Variants in CLYBL observed in about 807,000 individuals in gnomAD.
CLYBL encodes the protein citramalyl-CoA lyase, mitochondrial.
A neutral mutation model predicts 38.9 loss-of-function variants in CLYBL; 31 were observed. That is an observed-to-expected ratio of 0.80 (90% confidence interval 0.60 to 1.08). CLYBL has a LOEUF of 1.08. Among genes scored for constraint, CLYBL ranks in the 50% least tolerant of loss-of-function variants. CLYBL has a pLI of 0.00. For synonymous variants in CLYBL, 171 were observed against 158.6 expected, an observed-to-expected ratio of 1.08 and a Z score of -0.59; for missense variants, 434 against 411.6, an observed-to-expected ratio of 1.05 and a Z score of -0.47.
chr13:99,611,269 A>G lies in CLYBL; in HGVS notation c.62+4512A>G, dbSNP rs143536656. Among the ~76,000 whole-genome samples the G allele has an allele frequency of 7.1e-3, 1,076 of 152,304 alleles. 9 individuals are homozygous for G. The highest frequency in any genetic ancestry group is 0.044 in the Middle Eastern group (13 of 294). The stretch of plus-strand genomic sequence containing the variant: ...AAGTTTATTCTGACAATTTTTGCCA[A>G]TATTCTTGTTGATTTTATGGAGGAT... On this transcript the variant is annotated intron_variant, in intron 1 of 8. Transcript: ENST00000339105.
At chr13:99,857,720 T>G (rs1470418022) in intron 2 of CLYBL, among the ~76,000 whole-genome samples, 1 of 152,246 alleles carries the variant, frequency 6.6e-6, no homozygotes, top group Non-Finnish European at 1.5e-5. Flanking sequence ...GGACTTAGAC[T>G]CAATATTTGG....
chr13:99,713,909 A>C (rs528614485), intron 1 of CLYBL, among the ~76,000 whole-genome samples: 1 of 152,072 alleles, frequency 6.6e-6, no homozygotes, highest in African/African-American at 2.4e-5. Flanking sequence ...GTTGGTCTCA[A>C]ACTCCTGGGC....
intron 2 of CLYBL, among the ~76,000 whole-genome samples, chr13:99,835,359 G>T (rs545662918): frequency 6.6e-6 from 1 of 152,186 alleles, no homozygotes; most frequent in Non-Finnish European, 1.5e-5. Context: ...CCCACGTTGC[G>T]TCTGCCCTGT....
chr13:99,707,149 C>T (rs1437722981), intron 1 of CLYBL, among the ~76,000 whole-genome samples: 2 of 152,266 alleles, frequency 1.3e-5, no homozygotes, highest in South Asian at 2.1e-4. Flanking sequence ...CAATGAGTAA[C>T]GTGAAGGCTG....
downstream of CLYBL, among the ~76,000 whole-genome samples, chr13:99,899,892 G>T (rs762433729): frequency 6.6e-6 from 1 of 152,088 alleles, no homozygotes; most frequent in Admixed American, 6.5e-5. Flanking sequence ...GCATTTCTAC[G>T]CAGCGAACCC....
chr13:99,750,763 T>C (rs1381564425), intron 1 of CLYBL, among the ~76,000 whole-genome samples: 1 of 151,542 alleles, frequency 6.6e-6, no homozygotes, highest in Non-Finnish European at 1.5e-5. Context: ...TTTAAGAACA[T>C]ATAAGAACTT....
chr13:99,744,564 C>T (rs998852730), intron 1 of CLYBL, among the ~76,000 whole-genome samples: 6 of 152,142 alleles, frequency 3.9e-5, no homozygotes, highest in East Asian at 1.9e-4. Context: ...GACCTAAAAT[C>T]GCTAAGCCCT....
At chr13:99,638,233 C>CA (rs554122455) in intron 1 of CLYBL, among the ~76,000 whole-genome samples, 175 of 152,310 alleles carry the variant, frequency 1.1e-3, no homozygotes, top group Non-Finnish European at 1.7e-3. Context: ...GCTGGGATTA[C>CA]AGGAATGAGC....
chr13:99,790,359 T>C (rs1021353727), intron 2 of CLYBL, among the ~76,000 whole-genome samples: 2 of 152,230 alleles, frequency 1.3e-5, no homozygotes, highest in Non-Finnish European at 2.9e-5. Flanking sequence ...CCATGTTTAG[T>C]GCTTCCTTCA....
intron 2 of CLYBL, among the ~76,000 whole-genome samples, chr13:99,854,130 T>C (rs1247879545): frequency 6.6e-6 from 1 of 152,186 alleles, no homozygotes; most frequent in Non-Finnish European, 1.5e-5. Context: ...AAGTCTTTCC[T>C]ATTTCTTAAT....
intron 7 of CLYBL, among the ~76,000 whole-genome samples, chr13:99,876,436 A>AG (rs2052045135): frequency 6.6e-6 from 1 of 151,364 alleles, no homozygotes; most frequent in African/African-American, 2.4e-5. Flanking sequence ...AAAAAAAAAA[A>AG]AAAAAGAGTG....
At chr13:99,620,979 A>G (rs940784001) in intron 1 of CLYBL, among the ~76,000 whole-genome samples, 2 of 152,174 alleles carry the variant, frequency 1.3e-5, no homozygotes, top group South Asian at 4.1e-4. Flanking sequence ...GCCACCCCTC[A>G]TGTTCTCTGG....
At chr13:99,772,716 A>T in intron 1 of CLYBL, 108 bp from the exon 2 acceptor site, 1 of 945,966 alleles carries the variant, frequency 1.1e-6, no homozygotes, top group South Asian at 1.7e-5. Context: ...AAAATAAAAA[A>T]AGATTATCCA....
At chr13:99,819,436 A>ATATATATATG (rs2050534221) in intron 2 of CLYBL, among the ~76,000 whole-genome samples, 1 of 76,818 alleles carries the variant, frequency 1.3e-5, no homozygotes, top group Non-Finnish European at 2.6e-5. Flanking sequence ...ATATATATAT[A>ATATATATATG]TATATATATA....
chr13:99,677,866 G>A (rs1437772068), intron 1 of CLYBL, among the ~76,000 whole-genome samples: 2 of 152,184 alleles, frequency 1.3e-5, no homozygotes, highest in Non-Finnish European at 2.9e-5. Flanking sequence ...CAGAGTGAGA[G>A]GAAAGCTATG....
Position 99,710,880 on chromosome 13 carries a change from C to CT in CLYBL, c.63-61944_63-61943insT, listed in dbSNP as rs1566297319. 3.3e-3 allele frequency among the ~76,000 whole-genome samples: 446 copies of CT among 134,818 alleles called. 2 individuals are homozygous for CT. The highest frequency in any genetic ancestry group is 0.012 in the African/African-American group (408 of 35,226). The allele number at this position is 134,818 out of a possible 152,430, so 88.4% of individuals were successfully genotyped here. A position where few individuals can be genotyped will look rare whatever the true frequency, so the allele number is the denominator to read the frequency against. On this transcript the variant is annotated intron_variant, in intron 1 of 8. Transcript: ENST00000339105. ...TCCTGGCTTCTCTTAGTTTCTAACC[C>CT]CTTTTTTTTTTTTTTTTTTTTTTTG...
intron 2 of CLYBL, among the ~76,000 whole-genome samples, chr13:99,853,232 A>G (rs1259323903): frequency 1.3e-5 from 2 of 151,942 alleles, no homozygotes; most frequent in Non-Finnish European, 1.5e-5. Flanking sequence ...CTCTTTTTCA[A>G]TTATATCTCT....
At chr13:99,898,985 C>T (rs1292704742), downstream of CLYBL, among the ~76,000 whole-genome samples, 1 of 152,220 alleles carries the variant, frequency 6.6e-6, no homozygotes, top group Admixed American at 6.5e-5. Flanking sequence ...AAATCAGGAC[C>T]TGAGTCTCCC....
intron 1 of CLYBL, among the ~76,000 whole-genome samples, chr13:99,633,948 A>AT (rs1420850029): frequency 6.6e-6 from 1 of 152,180 alleles, no homozygotes; most frequent in Non-Finnish European, 1.5e-5. Context: ...CAAAAAAGAG[A>AT]TTAGGGCAGA....
Sources: allele counts gnomAD v4.1 joint callset (sites outside exome capture counted in the v4.1 genomes callset), GRCh38; gene constraint gnomAD v4.1.1; transcripts MANE v1.5; gene names NCBI Gene and HGNC (gene_info 2026-07-23, HGNC 2026-07-21).